TNFRSF21: variants seen among roughly 807,000 people sequenced by gnomAD.
TNFRSF21 encodes the protein tumor necrosis factor receptor superfamily member 21.
A neutral mutation model predicts 45.6 loss-of-function variants in TNFRSF21; 19 were observed. The ratio of observed to expected loss-of-function variants is 0.42; its 90% confidence interval spans 0.29 to 0.61. TNFRSF21 has a LOEUF of 0.61. Among genes scored for constraint, TNFRSF21 ranks in the 20% least tolerant of loss-of-function variants. The probability of loss-of-function intolerance (pLI) is 0.23; values close to 1 mark genes in which losing one functional copy is unlikely to be tolerated. For missense variants in TNFRSF21, 737 were observed against 851.5 expected, an observed-to-expected ratio of 0.87 and a Z score of 1.67; for synonymous variants, 314 against 335.5, an observed-to-expected ratio of 0.94 and a Z score of 0.70.
intron 4 of TNFRSF21, among the ~76,000 whole-genome samples, chr6:47,248,087 A>T (rs1764848768): frequency 6.6e-6 from 1 of 152,166 alleles, no homozygotes; most frequent in African/African-American, 2.4e-5. Flanking sequence ...ATTATTTTAA[A>T]TTGTTGTGGT....
At chr6:47,249,408 C>T (rs1764869153) in intron 4 of TNFRSF21, among the ~76,000 whole-genome samples, 1 of 152,182 alleles carries the variant, frequency 6.6e-6, no homozygotes, top group African/African-American at 2.4e-5. Flanking sequence ...TTATTTCCAG[C>T]TATCCTTCAA....
intron 1 of TNFRSF21, among the ~76,000 whole-genome samples, chr6:47,288,537 A>T (rs1264352814): frequency 6.6e-6 from 1 of 150,748 alleles, no homozygotes; most frequent in Non-Finnish European, 1.5e-5. Context: ...TCTCTAAGTA[A>T]ATAAATAAAT....
intron 1 of TNFRSF21, among the ~76,000 whole-genome samples, chr6:47,303,008 G>A (rs1762892132): frequency 6.6e-6 from 1 of 152,162 alleles, no homozygotes; most frequent in South Asian, 2.1e-4. Context: ...TAAATAAGAG[G>A]CAGTGATAGC....
chr6:47,243,110 A>C (rs1764771311), intron 4 of TNFRSF21, among the ~76,000 whole-genome samples: 1 of 152,224 alleles, frequency 6.6e-6, no homozygotes, highest in African/African-American at 2.4e-5. Flanking sequence ...AGCATTGCAT[A>C]ATAAGTCCAT....
intron 3 of TNFRSF21, among the ~76,000 whole-genome samples, chr6:47,255,321 AT>A (rs1764969754): frequency 6.6e-6 from 1 of 152,186 alleles, no homozygotes; most frequent in South Asian, 2.1e-4. Context: ...CTCTCTGTTT[AT>A]GGCGTCTTCT....
At chr6:47,273,536 C>G (rs907020128) in intron 3 of TNFRSF21, among the ~76,000 whole-genome samples, 1 of 152,128 alleles carries the variant, frequency 6.6e-6, no homozygotes, top group Non-Finnish European at 1.5e-5. Context: ...CTATTGATGA[C>G]AAACCCACAG....
At chr6:47,246,328 G>T (rs539036261) in intron 4 of TNFRSF21, among the ~76,000 whole-genome samples, 29 of 152,314 alleles carry the variant, frequency 1.9e-4, no homozygotes, top group Non-Finnish European at 3.2e-4. Flanking sequence ...GAAAATAGTT[G>T]CTAAGATTTA....
At chr6:47,236,102 G>T (rs1475641119) in intron 4 of TNFRSF21, among the ~76,000 whole-genome samples, 1 of 152,180 alleles carries the variant, frequency 6.6e-6, no homozygotes, top group Middle Eastern at 3.2e-3. Context: ...AAGTGACTGC[G>T]GCCCAAAGAG....
chr6:47,254,786 C>T (rs1225687939), intron 3 of TNFRSF21, among the ~76,000 whole-genome samples: 1 of 152,162 alleles, frequency 6.6e-6, no homozygotes, highest in African/African-American at 2.4e-5. Context: ...GCCAAAATGA[C>T]TGTATAATAA....
Position 47,234,785 on chromosome 6 carries a change from G to GGAA in TNFRSF21, c.1620_1622dup (p.Ser541dup). The GGAA allele has an allele frequency of 2.5e-6, 4 of 1,598,172 alleles. No individual in the cohort carries two copies. The highest frequency in any genetic ancestry group is 3.4e-6 in the Non-Finnish European group (4 of 1,174,288). On this transcript the variant is annotated inframe_insertion, in exon 5 of 6. Transcript: ENST00000296861. The stretch of plus-strand genomic sequence containing the variant: ...AGAAGCCCTTGTTCTTGTCCTGTGG[G>GGAA]GAAGGCTCCACCGTCAGGAGAGCGG...
chr6:47,281,831 A>AT (rs35146692), intron 3 of TNFRSF21, among the ~76,000 whole-genome samples: 21,262 of 147,926 alleles, frequency 0.14, 1,910 homozygotes, highest in Non-Finnish European at 0.21. Context: ...AAATAAAAAG[A>AT]TTTTTTTTTT....
chr6:47,309,481 G>A lies in TNFRSF21; in HGVS notation c.31C>T (p.Leu11Phe), dbSNP rs113071167. 4 of 1,526,252 alleles carry A rather than the reference G, an allele frequency of 2.6e-6. No homozygotes were observed. The highest frequency in any genetic ancestry group is 1.4e-5 in the African/African-American group (1 of 70,020). 94.5% of individuals were successfully genotyped at this position (1,526,252 alleles called of 1,614,324 possible). A position where few individuals can be genotyped will look rare whatever the true frequency, so the allele number is the denominator to read the frequency against. Residue 11 changes from leucine (L) to phenylalanine (F), a missense_variant, in exon 1 of 6, where the codon CTC (leucine) becomes TTC (phenylalanine). Physicochemically the swap from Leu to Phe is conservative, Grantham distance 22 (BLOSUM62 0). Transcript: ENST00000296861. ...CGGGCGATGCGGCTGCAGGAGGCGA[G>A]GGCGGTGCTGCTGCTCGGAGAGGTC... Reference protein sequence around the residue: MGTSPSSSTALASCSRIARRA... With the variant: MGTSPSSSTAFASCSRIARRA...
At chr6:47,258,782 A>T (rs969436592) in intron 3 of TNFRSF21, among the ~76,000 whole-genome samples, 1 of 152,174 alleles carries the variant, frequency 6.6e-6, no homozygotes, top group African/African-American at 2.4e-5. Context: ...AAAGAGAAAA[A>T]GAGAGAGAAT....
rs1561956199 is a variant in TNFRSF21 at position 47,309,799 on chromosome 6, G to A, written c.-288C>T. The A allele has an allele frequency of 2.8e-6, 1 of 358,570 alleles. No individual in the cohort carries two copies. The highest frequency in any genetic ancestry group is 9.0e-5 in the South Asian group (1 of 11,138). The allele number at this position is 358,570 out of a possible 1,614,324, so 22.2% of individuals were successfully genotyped here. A position where few individuals can be genotyped will look rare whatever the true frequency, so the allele number is the denominator to read the frequency against. Reference sequence around the variant, plus strand: ...CTCCGACAGCGGCTGAGGAGAACCAGGGAGGAGGACTGGGCGCGAGAGAGC... The same window carrying A: ...CTCCGACAGCGGCTGAGGAGAACCAAGGAGGAGGACTGGGCGCGAGAGAGC... On this transcript the variant is annotated 5_prime_UTR_variant, in exon 1 of 6. Transcript: ENST00000296861.
intron 1 of TNFRSF21, among the ~76,000 whole-genome samples, chr6:47,293,970 T>A (rs1166181934): frequency 6.6e-6 from 1 of 152,202 alleles, no homozygotes; most frequent in South Asian, 2.1e-4. Flanking sequence ...AAGGATCAGG[T>A]CTATTTCACT....
intron 3 of TNFRSF21, among the ~76,000 whole-genome samples, chr6:47,259,779 C>G (rs1400558379): frequency 1.3e-5 from 2 of 152,152 alleles, no homozygotes; most frequent in South Asian, 2.1e-4. Flanking sequence ...CGAGGCTGTA[C>G]TAGTTAGGAA....
At chr6:47,244,219 G>T (rs1263956119) in intron 4 of TNFRSF21, among the ~76,000 whole-genome samples, 1 of 151,728 alleles carries the variant, frequency 6.6e-6, no homozygotes, top group East Asian at 1.9e-4. Flanking sequence ...AGCTACTCGG[G>T]AGGCAGAGGC....
intron 3 of TNFRSF21, among the ~76,000 whole-genome samples, chr6:47,267,932 C>A (rs967161032): frequency 3.9e-5 from 6 of 152,188 alleles, no homozygotes; most frequent in African/African-American, 1.4e-4. Flanking sequence ...TCTCCATCAA[C>A]CCCCACTCCT....
chr6:47,273,460 AGCGC>A (rs1762455429), intron 3 of TNFRSF21, among the ~76,000 whole-genome samples: 2 of 152,204 alleles, frequency 1.3e-5, no homozygotes, highest in African/African-American at 4.8e-5. Context: ...AAAATTCAAC[AGCGC>A]TTCATGCTAA....
Sources: allele counts gnomAD v4.1 joint callset (sites outside exome capture counted in the v4.1 genomes callset), GRCh38; gene constraint gnomAD v4.1.1; transcripts MANE v1.5; gene names NCBI Gene and HGNC (gene_info 2026-07-23, HGNC 2026-07-21).